ADRM1: variants seen among roughly 807,000 people sequenced by gnomAD.
ADRM1 encodes ADRM1 26S proteasome ubiquitin receptor, also known as proteasomal ubiquitin receptor ADRM1.
ADRM1 carries 2 observed loss-of-function variants against 40.1 expected under a neutral mutation model. That is an observed-to-expected ratio of 0.05 (90% CI 0.02 to 0.16). ADRM1 has a LOEUF of 0.16. ADRM1 is among the 10% of genes least tolerant of loss of function. The pLI is 1.00. For synonymous variants in ADRM1, 287 were observed against 240.4 expected (o/e 1.19, Z -1.79); for missense variants, 467 against 552.5 (o/e 0.85, Z 1.55).
intron 4 of ADRM1, 103 bp downstream of exon 4, chr20:62,306,423 G>C (rs924284375): frequency 1.9e-6 from 3 of 1,586,062 alleles, no homozygotes; most frequent in Non-Finnish European, 2.6e-6. Context: ...AGTGGAAATA[G>C]AAGATTCTAA....
intron 4 of ADRM1, 94 bp downstream of exon 4, chr20:62,306,414 G>T (rs1396698458): frequency 6.3e-7 from 1 of 1,595,182 alleles, no homozygotes; most frequent in Non-Finnish European, 8.6e-7. Context: ...TTGTTTGGAA[G>T]TGGAAATAGA....
At chr20:62,304,068 AG>A in intron 2 of ADRM1, 1 of 516,982 alleles carries the variant, frequency 1.9e-6, no homozygotes, top group Non-Finnish European at 3.5e-6. Flanking sequence ...CTGGGGTTGG[AG>A]GTGTGGCCCT....
chr20:62,304,514 C>T lies in ADRM1; in HGVS notation c.267C>T (p.Pro89=), dbSNP rs1984603065. ...AGTTCAAGCGGGTGCCGCAGTGCCC[C>T]AGCGGGAGGGTCTACGTGCTGAAGT... ...DCEFKRVPQC[P]SGRVYVLKFK... Residue 89 remains proline, a synonymous_variant, in exon 3 of 10, where the codon CCC becomes CCT. Coordinates refer to ENST00000253003, the MANE Select transcript of ADRM1 (RefSeq NM_007002.4). 2 of 1,613,966 alleles carry T rather than the reference C, an allele frequency of 1.2e-6. No homozygotes were observed. Among genetic ancestry groups the T allele is most frequent in the African/African-American group, 1.3e-5 (1 of 75,054 alleles).
At position 62,308,490 on chromosome 20, in the gene ADRM1, C is replaced by A. The variant is rs768408231; in HGVS notation, c.1117+20C>A. The A allele has an allele frequency of 1.3e-6, 2 of 1,584,436 alleles. No individual in the cohort carries two copies. The highest frequency in any genetic ancestry group is 2.3e-5 in the East Asian group (1 of 43,848). ...AGGGCGGTAAGTGGCTGCGCCTGCA[C>A]CTCCAGGCCAGAGCCAGGGGCAGGG... On this transcript the variant is annotated intron_variant, in intron 9 of 9. Transcript: ENST00000253003.
At position 62,306,250 on chromosome 20, in the gene ADRM1, GAAC is replaced by G; in HGVS notation, c.388_390del (p.Asn130del). ...ATTGCCGGAAAGTCAACGAGTATCTGAACAACCCCCCGATGCCTGGGGCGCTGG... is the reference window on the plus strand; with the variant it reads ...ATTGCCGGAAAGTCAACGAGTATCTGAACCCCCCGATGCCTGGGGCGCTGG... On this transcript the variant is annotated inframe_deletion, in exon 4 of 10. Coordinates refer to ENST00000253003, the MANE Select transcript of ADRM1 (RefSeq NM_007002.4). 1 of 1,613,328 alleles carries G rather than the reference GAAC, an allele frequency of 6.2e-7. No homozygotes were observed. The highest frequency in any genetic ancestry group is 1.1e-5 in the South Asian group (1 of 91,086).
Position 62,307,649 on chromosome 20 carries a change from G to A in ADRM1, c.677G>A (p.Arg226His), listed in dbSNP as rs549209843. The change falls in exon 7 of 10, where the codon CGT becomes CAT. Residue 226 changes from arginine (R) to histidine (H), a missense_variant. Physicochemically the swap from Arg to His is conservative, Grantham distance 29 (BLOSUM62 0). This residue lies in a region of ADRM1 where 418 missense variants were observed against 474.6 expected (regional missense o/e 0.88). Transcript: ENST00000253003. ...VTPSSTTSST[R>H]ATPAPSAPAA... ...CCGTCATCCACCACCTCTTCCACCC[G>A]TGCCACCCCAGCCCCTTCTGCTCCA... 32 of 1,612,000 alleles carry A rather than the reference G, an allele frequency of 2.0e-5. No homozygotes were observed. The highest frequency in any genetic ancestry group is 5.5e-5 in the South Asian group (5 of 91,070).
rs1329189722 is a variant in ADRM1 at position 62,307,601 on chromosome 20, G to A, written c.629G>A (p.Arg210Gln). 6 of 1,610,546 alleles carry A rather than the reference G, an allele frequency of 3.7e-6. No homozygotes were observed. The highest frequency in any genetic ancestry group is 1.7e-5 in the Admixed American group (1 of 59,946). ...GGTGCCCTCTCTCTTCGCAGCTCCC[G>A]GAGCCAGTCGGCAGCGGTCACCCCG... ...PPGSSSSSSS[R>Q]SQSAAVTPSS... The change falls in exon 7 of 10, where the codon CGG becomes CAG. Residue 210 changes from arginine (R) to glutamine (Q), a missense_variant. This residue lies in a region of ADRM1 where 418 missense variants were observed against 474.6 expected (regional missense o/e 0.88). Coordinates refer to ENST00000253003, the MANE Select transcript of ADRM1 (RefSeq NM_007002.4).
At chr20:62,307,231 C>A in intron 5 of ADRM1, 140 bp from the exon 6 acceptor site, 2 of 794,404 alleles carry the variant, frequency 2.5e-6, no homozygotes, top group South Asian at 3.7e-5. Context: ...CGCCGCTCCT[C>A]CAGGCCTGTG....
At position 62,307,384 on chromosome 20, in the gene ADRM1, C is replaced by A; in HGVS notation, c.555C>A (p.Ala185=). 6.2e-7 allele frequency: 1 copy of A among 1,600,738 alleles called. No homozygotes were observed. ...AGLGGLGGLG[A]LTGPGLASLL... ...TGCCCCTCGCAGGTGGGCTGGGGGCCCTGACTGGACCTGGCCTGGCCAGCT... is the reference window on the plus strand; with the variant it reads ...TGCCCCTCGCAGGTGGGCTGGGGGCACTGACTGGACCTGGCCTGGCCAGCT... The change falls in exon 6 of 10, where the codon GCC becomes GCA. Residue 185 remains alanine (A), a synonymous_variant. Transcript: ENST00000253003.
intron 3 of ADRM1, among the ~76,000 whole-genome samples, chr20:62,304,897 CAGCAGA>C (rs1023746956): frequency 6.6e-6 from 1 of 152,246 alleles, no homozygotes; most frequent in Non-Finnish European, 1.5e-5. Flanking sequence ...GAGGCCCCCA[CAGCAGA>C]GGCAGAGGCC....
rs1388658117 is a variant in ADRM1, at chr20:62,308,399, C to T, written c.1046C>T (p.Ser349Leu). The T allele has an allele frequency of 1.2e-6, 2 of 1,608,486 alleles. No homozygotes were observed. Among genetic ancestry groups the T allele is most frequent in the East Asian group, 2.2e-5 (1 of 44,748 alleles). The change falls in exon 9 of 10, where the codon TCG (serine) becomes TTG (leucine). Residue 349 changes from serine to leucine, a missense_variant. Coordinates refer to ENST00000253003, the MANE Select transcript of ADRM1 (RefSeq NM_007002.4). ...ALGMFSAALA[S>L]GQLGPLMCQF... ...GGCATGTTCAGCGCAGCCTTGGCCT[C>T]GGGGCAGCTGGGCCCCCTCATGTGC...
At chr20:62,305,636 C>T (rs1022586045) in intron 3 of ADRM1, 2 of 152,606 alleles carry the variant, frequency 1.3e-5, no homozygotes, top group African/African-American at 4.8e-5. Flanking sequence ...CCCAGTGTCC[C>T]TGGCGCCCTG....
At chr20:62,308,265 G>A in intron 8 of ADRM1, 87 bp downstream of exon 8, 3 of 1,538,816 alleles carry the variant, frequency 1.9e-6, no homozygotes, top group Non-Finnish European at 1.8e-6. Context: ...CTTCACCATG[G>A]CCAGTGCTTC....
At chr20:62,303,241 C>G (rs1260787976) in intron 1 of ADRM1, 192 bp downstream of exon 1, 2 of 194,808 alleles carry the variant, frequency 1.0e-5, no homozygotes, top group African/African-American at 4.6e-5. Flanking sequence ...CGGCTCTGAA[C>G]GTGGGGCTCG....
At chr20:62,306,584 C>G (rs568470740) in intron 4 of ADRM1, 64 bp from the exon 5 acceptor site, 1 of 1,488,262 alleles carries the variant, frequency 6.7e-7, no homozygotes, top group Non-Finnish European at 9.1e-7. Flanking sequence ...GAGGCGCAGG[C>G]AGTGCGGTGG....
chr20:62,304,597 G>A lies in ADRM1; in HGVS notation c.330+20G>A. The A allele has an allele frequency of 1.2e-6, 2 of 1,609,908 alleles. No homozygotes were observed. The highest frequency in any genetic ancestry group is 1.3e-5 in the African/African-American group (1 of 74,976). On this transcript the variant is annotated intron_variant, in intron 3 of 9. Transcript: ENST00000253003. ...ATGCAGGTATGGGGCAGGCCTTGGGGTTGTGCCTTTTTGTTGCCCTGCGAT... is the reference window on the plus strand; with the variant it reads ...ATGCAGGTATGGGGCAGGCCTTGGGATTGTGCCTTTTTGTTGCCCTGCGAT...
Position 62,308,764 on chromosome 20 carries a change from C to T in ADRM1, c.*3C>T, listed in dbSNP as rs755918680. On this transcript the variant is annotated 3_prime_UTR_variant, in exon 10 of 10. Coordinates refer to ENST00000253003, the MANE Select transcript of ADRM1 (RefSeq NM_007002.4). ...AGGAGGACATGAGCCTGGACTGAGCCACGCGCCGTCCTCCGAGGAACTGGG... is the reference window on the plus strand; with the variant it reads ...AGGAGGACATGAGCCTGGACTGAGCTACGCGCCGTCCTCCGAGGAACTGGG... 1.2e-6 allele frequency: 2 copies of T among 1,612,604 alleles called. No individual in the cohort carries two copies. Among genetic ancestry groups the T allele is most frequent in the East Asian group, 2.2e-5 (1 of 44,898 alleles).
At chr20:62,306,043 C>A in intron 3 of ADRM1, 154 bp from the exon 4 acceptor site, 1 of 1,022,390 alleles carries the variant, frequency 9.8e-7, no homozygotes, top group Non-Finnish European at 1.4e-6. Flanking sequence ...CCCTCACCTG[C>A]TGGGCCGGGT....
rs1984443390 is a variant in ADRM1, at chr20:62,303,598, C to T, written c.30C>T (p.Ser10=). The T allele has an allele frequency of 3.8e-6, 6 of 1,599,010 alleles. No individual in the cohort carries two copies. The highest frequency in any genetic ancestry group is 4.3e-6 in the Non-Finnish European group (5 of 1,173,506). Residue 10 remains serine (S), a synonymous_variant, in exon 2 of 10, where the codon AGC becomes AGT. Coordinates refer to ENST00000253003, the MANE Select transcript of ADRM1 (RefSeq NM_007002.4). ...CGACCTCAGGCGCGCTCTTTCCAAG[C>T]CTGGTGCCAGGCTCTCGGGGCGCCT... is the stretch of plus-strand genomic sequence containing the variant. MTTSGALFP[S]LVPGSRGASN... is the part of the protein sequence containing the mutation.
Sources: allele counts gnomAD v4.1 joint callset (sites outside exome capture counted in the v4.1 genomes callset), GRCh38; gene constraint gnomAD v4.1.1; regional missense constraint gnomAD v4.1.1; transcripts MANE v1.5; gene names NCBI Gene and HGNC (gene_info 2026-07-23, HGNC 2026-07-21).